SHISA9: variants seen among roughly 807,000 people sequenced by gnomAD.
SHISA9 encodes shisa family member 9.
A neutral mutation model predicts 38.0 loss-of-function variants in SHISA9; 13 were observed. The ratio of observed to expected loss-of-function variants is 0.34; its 90% CI spans 0.22 to 0.54. The LOEUF is 0.54. Ranked by LOEUF, SHISA9 falls within the 20% of genes least tolerant of loss-of-function variation. SHISA9 has a pLI of 0.91. For missense variants in SHISA9, 538 were observed against 575.8 expected, an observed-to-expected ratio of 0.93 and a Z score of 0.67; for synonymous variants, 275 against 242.0, an observed-to-expected ratio of 1.14 and a Z score of -1.27.
the SHISA9 span, among the ~76,000 whole-genome samples, chr16:13,531,776 T>TG: frequency 2.0e-5 from 3 of 152,072 alleles, no homozygotes; most frequent in South Asian, 4.2e-4. Flanking sequence ...TGGGGCGGTG[T>TG]GGGGGGCAGG....
intron 2 of SHISA9, among the ~76,000 whole-genome samples, chr16:13,019,804 C>G (rs2072805850): frequency 7.1e-6 from 1 of 140,278 alleles, no homozygotes; most frequent in Non-Finnish European, 1.5e-5. Flanking sequence ...TTCTTTCTTT[C>G]TTTCTTTCTT....
the SHISA9 span, among the ~76,000 whole-genome samples, chr16:13,501,983 C>A: frequency 2.9e-5 from 4 of 138,214 alleles, no homozygotes; most frequent in East Asian, 6.4e-4. Flanking sequence ...GCCTGGGCAA[C>A]AAAGCGAAAC....
chr16:13,215,515 C>T (rs1596739149), intron 4 of SHISA9, among the ~76,000 whole-genome samples: 2 of 151,860 alleles, frequency 1.3e-5, no homozygotes, highest in African/African-American at 4.8e-5. Context: ...GAGGCATTAA[C>T]TTCTTTTTTC....
chr16:13,291,969 G>A, the SHISA9 span, among the ~76,000 whole-genome samples: 454 of 152,054 alleles, frequency 3.0e-3, 2 homozygotes, highest in Non-Finnish European at 5.1e-3. Flanking sequence ...TGTCAAGATT[G>A]TATTCCCTTT....
At chr16:13,328,605 C>A in the SHISA9 span, among the ~76,000 whole-genome samples, 268 of 134,292 alleles carry the variant, frequency 2.0e-3, no homozygotes, top group African/African-American at 6.9e-3. Context: ...CACACACACA[C>A]ACACACACAC....
chr16:13,432,010 G>A, the SHISA9 span, among the ~76,000 whole-genome samples: 1 of 152,232 alleles, frequency 6.6e-6, no homozygotes, highest in African/African-American at 2.4e-5. Flanking sequence ...GCAGTGAGCT[G>A]AGATCATGCC....
intron 2 of SHISA9, among the ~76,000 whole-genome samples, chr16:13,002,042 A>G (rs1203071314): frequency 6.6e-6 from 1 of 152,242 alleles, no homozygotes; most frequent in East Asian, 1.9e-4. Context: ...AAATGGATTT[A>G]ATTGGCCTGG....
the SHISA9 span, among the ~76,000 whole-genome samples, chr16:13,248,885 C>A: frequency 6.6e-6 from 1 of 152,148 alleles, no homozygotes; most frequent in Non-Finnish European, 1.5e-5. Context: ...TAGGCAACGC[C>A]ACAGAGAGGG....
At chr16:13,176,551 G>A (rs529127943) in intron 2 of SHISA9, among the ~76,000 whole-genome samples, 1 of 152,216 alleles carries the variant, frequency 6.6e-6, no homozygotes, top group Non-Finnish European at 1.5e-5. Context: ...ACAGACACTG[G>A]GAAGTCCAGC....
the SHISA9 span, among the ~76,000 whole-genome samples, chr16:13,535,702 C>A: frequency 6.6e-6 from 1 of 150,830 alleles, no homozygotes; most frequent in African/African-American, 2.4e-5. Flanking sequence ...GCTTTCCTGG[C>A]CTCCTTCTTG....
At position 13,175,412 on chromosome 16, in the gene SHISA9, A is replaced by AT. The variant is rs943672577; in HGVS notation, c.692-27976dup. 5.3e-5 allele frequency among the ~76,000 whole-genome samples: 8 copies of AT among 152,208 alleles called. No individual in the cohort carries two copies. In the South Asian group the frequency reaches 6.2e-4, roughly 12 times the overall value. ...AATAAAACAAAAATAAAAAGATTTG[A>AT]TTTTTTCCCTATGTTCCAGAGATGC... On this transcript the variant is annotated intron_variant, in intron 2 of 4. Coordinates refer to ENST00000558583, the MANE Select transcript of SHISA9 (RefSeq NM_001145204.3).
chr16:13,064,590 T>C (rs1230285664), intron 2 of SHISA9, among the ~76,000 whole-genome samples: 2 of 152,082 alleles, frequency 1.3e-5, no homozygotes, highest in East Asian at 3.8e-4. Flanking sequence ...TATGCACAAA[T>C]GTGCACACTT....
At chr16:13,278,553 T>A in the SHISA9 span, among the ~76,000 whole-genome samples, 7,462 of 152,152 alleles carry the variant, frequency 0.049, 581 homozygotes, top group African/African-American at 0.17. Context: ...TCCCGGAGTT[T>A]TTTTGTTGGT....
At chr16:13,259,619 G>C in the SHISA9 span, among the ~76,000 whole-genome samples, 26 of 152,320 alleles carry the variant, frequency 1.7e-4, 1 homozygote, top group South Asian at 4.6e-3. Context: ...CTAGGCCAAG[G>C]TTCCCAAACC....
the SHISA9 span, among the ~76,000 whole-genome samples, chr16:13,266,205 C>T: frequency 6.6e-6 from 1 of 152,188 alleles, no homozygotes; most frequent in African/African-American, 2.4e-5. Context: ...GGCACATTCC[C>T]AAAGGCAAGG....
the SHISA9 span, among the ~76,000 whole-genome samples, chr16:13,379,610 T>C: frequency 6.6e-6 from 1 of 152,242 alleles, no homozygotes; most frequent in Non-Finnish European, 1.5e-5. Context: ...TAATGTCTTA[T>C]TCCCTTCTCC....
intron 2 of SHISA9, among the ~76,000 whole-genome samples, chr16:13,107,195 G>C (rs568680874): frequency 3.3e-5 from 5 of 152,190 alleles, no homozygotes; most frequent in African/African-American, 1.2e-4. Context: ...CACTTTGGGA[G>C]GCCGAGTGGG....
At chr16:13,415,927 A>G in the SHISA9 span, among the ~76,000 whole-genome samples, 1 of 152,192 alleles carries the variant, frequency 6.6e-6, no homozygotes, top group Non-Finnish European at 1.5e-5. Flanking sequence ...ACAGGTAAAA[A>G]CTAATCTTTG....
intron 2 of SHISA9, among the ~76,000 whole-genome samples, chr16:13,008,678 C>T (rs796578344): frequency 0.032 from 4,069 of 125,234 alleles, 198 homozygotes; most frequent in African/African-American, 0.094. Flanking sequence ...TCCCTCCCTC[C>T]CTCTCTCTCT....
Sources: allele counts gnomAD v4.1 joint callset (sites outside exome capture counted in the v4.1 genomes callset), GRCh38; gene constraint gnomAD v4.1.1; transcripts MANE v1.5; gene names NCBI Gene and HGNC (gene_info 2026-07-23, HGNC 2026-07-21).